TKTL1: variants seen among roughly 807,000 people sequenced by gnomAD.
TKTL1 encodes transketolase like 1, also known as transketolase-like protein 1.
In TKTL1, 1 loss-of-function variant was observed where a neutral mutation model predicts 39.3. That is an observed-to-expected ratio of 0.03 (90% CI 0.01 to 0.12). TKTL1 has a LOEUF of 0.12. Among genes scored for constraint, TKTL1 ranks in the 10% least tolerant of loss-of-function variants. The pLI, the probability that TKTL1 is intolerant of heterozygous loss-of-function variation, is 1.00. For synonymous variants in TKTL1, 262 were observed against 193.8 expected, an observed-to-expected ratio of 1.35 and a Z score of -2.92; for missense variants, 575 against 509.6, an observed-to-expected ratio of 1.13 and a Z score of -1.24.
At chrX:154,326,589 C>T (rs1467179761) in intron 10 of TKTL1, among the ~76,000 whole-genome samples, 2 of 112,443 alleles carry the variant, frequency 1.8e-5, no homozygotes, top group African/African-American at 3.2e-5. Flanking sequence ...GAACTGTCCA[C>T]TGTGTGCCAT....
chrX:154,317,858 G>T (rs1167771184), intron 7 of TKTL1, among the ~76,000 whole-genome samples: 3 of 110,646 alleles, frequency 2.7e-5, no homozygotes, highest in African/African-American at 6.6e-5. Flanking sequence ...TGACAAGACT[G>T]GGGGAGAAGT....
At chrX:154,303,455 T>C (rs1205972462) in intron 1 of TKTL1, among the ~76,000 whole-genome samples, 3 of 84,693 alleles carry the variant, frequency 3.5e-5, no homozygotes, top group African/African-American at 1.4e-4. Flanking sequence ...GGTCTCAAAC[T>C]CCTGGGCTCA....
chrX:154,298,838 G>A (rs781848151), intron 1 of TKTL1, among the ~76,000 whole-genome samples: 13 of 110,650 alleles, frequency 1.2e-4, no homozygotes, highest in African/African-American at 4.3e-4. Context: ...TGATTTGAAG[G>A]GTTATTTATT....
At chrX:154,320,673 TG>T in intron 7 of TKTL1, 83 bp from the exon 8 acceptor site, 1 of 967,991 alleles carries the variant, frequency 1.0e-6, no homozygotes, top group Non-Finnish European at 1.5e-6. Flanking sequence ...AGGTGCAGAA[TG>T]GGAGTTATCA....
At chrX:154,299,066 C>T (rs1452144724) in intron 1 of TKTL1, among the ~76,000 whole-genome samples, 1 of 107,833 alleles carries the variant, frequency 9.3e-6, no homozygotes, top group Non-Finnish European at 1.9e-5. Flanking sequence ...CTTGGCACTG[C>T]TTTTGCTACA....
chrX:154,320,808 A>G lies in TKTL1; in HGVS notation c.1081A>G (p.Ser361Gly). ...ASRGRTIAFA[S>G]TFAAFLTRAF... is the part of the protein sequence containing the mutation. The stretch of plus-strand genomic sequence containing the variant: ...CCGTGGACGGACCATTGCTTTTGCT[A>G]GCACCTTTGCTGCCTTTCTGACTCG... Residue 361 changes from serine (S) to glycine (G), a missense_variant, in exon 8 of 13, where the codon AGC (serine) becomes GGC (glycine). Coordinates refer to ENST00000369915, the MANE Select transcript of TKTL1 (RefSeq NM_012253.4). 8.3e-7 allele frequency: 1 copy of G among 1,211,230 alleles called. No homozygotes were observed. The highest frequency in any genetic ancestry group is 2.3e-4 in the Middle Eastern group (1 of 4,355).
chrX:154,297,362 TCTC>T (rs781871368), intron 1 of TKTL1, among the ~76,000 whole-genome samples: 1 of 110,552 alleles, frequency 9.0e-6, no homozygotes, highest in African/African-American at 3.3e-5. Context: ...TTCACGCCAT[TCTC>T]CTGCCTCAGC....
intron 7 of TKTL1, among the ~76,000 whole-genome samples, chrX:154,317,906 G>A (rs942447686): frequency 8.1e-5 from 9 of 111,045 alleles, no homozygotes; most frequent in African/African-American, 2.0e-4. Context: ...GTGTGGGCCT[G>A]GGGGGTTGGG....
intron 1 of TKTL1, among the ~76,000 whole-genome samples, chrX:154,303,172 A>T (rs1245565243): frequency 2.8e-4 from 28 of 98,546 alleles, no homozygotes; most frequent in South Asian, 5.1e-4. Flanking sequence ...CCCATTTTTT[A>T]AAATTTTTAT....
chrX:154,320,408 A>AGAGGG (rs1343302312), intron 7 of TKTL1: 1 of 249,550 alleles, frequency 4.0e-6, no homozygotes, highest in Non-Finnish European at 7.2e-6. Context: ...AAGTAGCACA[A>AGAGGG]GAGGGGAGGA....
chrX:154,314,118 C>T (rs782397294), intron 6 of TKTL1, among the ~76,000 whole-genome samples: 2 of 110,878 alleles, frequency 1.8e-5, no homozygotes, highest in Admixed American at 1.9e-4. Context: ...TATCCAAGTG[C>T]TATACCCCCA....
At chrX:154,319,679 C>T (rs1369471912) in intron 7 of TKTL1, among the ~76,000 whole-genome samples, 3 of 107,863 alleles carry the variant, frequency 2.8e-5, no homozygotes, top group Non-Finnish European at 5.8e-5. Flanking sequence ...GTGGAGGTTG[C>T]AGTGAGCCAA....
rs1309022863 is a variant in TKTL1 at position 154,329,924 on chromosome X, GAAA to G, written c.*241_*243del. 1 of 322,325 alleles carries G rather than the reference GAAA, an allele frequency of 3.1e-6. No homozygotes were observed. Among genetic ancestry groups the G allele is most frequent in the Non-Finnish European group, 5.4e-6 (1 of 186,242 alleles). 26.6% of individuals were successfully genotyped at this position (322,325 alleles called of 1,213,427 possible). ...AAAGGGAGTTACACAACTTTTAAGT[GAAA>G]AAAATAGGTAACAAAACAACCACCT... On this transcript the variant is annotated 3_prime_UTR_variant, in exon 13 of 13. Transcript: ENST00000369915.
chrX:154,320,560 G>T, intron 7 of TKTL1, 197 bp from the exon 8 acceptor site: 1 of 447,215 alleles, frequency 2.2e-6, no homozygotes, highest in East Asian at 3.6e-5. Flanking sequence ...TAGGAGCTAT[G>T]AGTTGAGGGC....
chrX:154,314,800 C>T lies in TKTL1; in HGVS notation c.865-373C>T, dbSNP rs143075422. 9.4e-3 allele frequency among the ~76,000 whole-genome samples: 1,043 copies of T among 111,214 alleles called. 6 individuals carry two copies. The highest frequency in any genetic ancestry group is 0.032 in the African/African-American group (982 of 30,563). On this transcript the variant is annotated intron_variant, in intron 6 of 12. Coordinates refer to ENST00000369915, the MANE Select transcript of TKTL1 (RefSeq NM_012253.4). ...TCAGCCTCCCAAAATGCTGGGATTACAGATGTGAGCCAGCACACCTGGCCA... is the reference window on the plus strand; with the variant it reads ...TCAGCCTCCCAAAATGCTGGGATTATAGATGTGAGCCAGCACACCTGGCCA...
intron 9 of TKTL1, 110 bp downstream of exon 9, chrX:154,323,447 G>A: frequency 1.1e-6 from 1 of 912,313 alleles, no homozygotes; most frequent in Non-Finnish European, 1.5e-6. Context: ...ATTCATTATA[G>A]AAAATTTGGT....
intron 6 of TKTL1, among the ~76,000 whole-genome samples, chrX:154,314,083 A>T (rs1476421207): frequency 3.6e-5 from 4 of 111,768 alleles, no homozygotes; most frequent in Non-Finnish European, 7.5e-5. Flanking sequence ...ATGGATCAAT[A>T]GCCCTAGAAA....
chrX:154,307,629 G>T (rs5987241), intron 2 of TKTL1, among the ~76,000 whole-genome samples: 3,892 of 112,472 alleles, frequency 0.035, 174 homozygotes, highest in African/African-American at 0.12. Context: ...ACCTAAGGGG[G>T]CTCTGGTCTC....
chrX:154,327,240 C>G (rs782638828), intron 10 of TKTL1: 21 of 372,153 alleles, frequency 5.6e-5, no homozygotes, highest in Admixed American at 2.5e-4. Context: ...TGAGGGTTCT[C>G]AGAGTTCAGG....
Sources: allele counts gnomAD v4.1 joint callset (sites outside exome capture counted in the v4.1 genomes callset), GRCh38; gene constraint gnomAD v4.1.1; transcripts MANE v1.5; gene names NCBI Gene and HGNC (gene_info 2026-07-23, HGNC 2026-07-21).